Variants in CISD2 observed in about 807,000 individuals in gnomAD.
The protein encoded by CISD2 is CDGSH iron-sulfur domain-containing protein 2.
CISD2 carries 1 observed loss-of-function variant against 12.9 expected under a neutral mutation model. The ratio of observed to expected loss-of-function variants is 0.08; its 90% CI spans 0.03 to 0.37. CISD2 has a LOEUF of 0.37. Ranked by LOEUF, CISD2 falls within the 10% of genes least tolerant of loss-of-function variation. CISD2 has a pLI of 0.99. For missense variants in CISD2, 97 were observed against 163.1 expected (o/e 0.59, Z 2.21); for synonymous variants, 50 against 60.6 (o/e 0.83, Z 0.81).
intron 1 of CISD2, among the ~76,000 whole-genome samples, chr4:102,879,138 A>G (rs191157518): frequency 6.6e-6 from 1 of 152,250 alleles, no homozygotes; most frequent in Admixed American, 6.5e-5. Context: ...TGATGATTTA[A>G]TCACCAACCA....
intron 1 of CISD2, among the ~76,000 whole-genome samples, chr4:102,877,788 A>G (rs1209428344): frequency 1.3e-5 from 2 of 152,148 alleles, no homozygotes; most frequent in South Asian, 2.1e-4. Flanking sequence ...ACTTCTATGC[A>G]CCCACAGGCC....
chr4:102,889,343 G>GACTT lies in CISD2; in HGVS notation c.*1914_*1917dup, dbSNP rs1339494970. On this transcript the variant is annotated 3_prime_UTR_variant, in exon 3 of 3. Transcript: ENST00000273986. ...ATTATTTTTCCACAGTTGGTCACCA[G>GACTT]ACTTTGGAAAAAATCCACCTCACCA... is the stretch of plus-strand genomic sequence containing the variant. 2 of 136,980 alleles carry GACTT rather than the reference G, an allele frequency of 1.5e-5. No individual in the cohort carries two copies. The highest frequency in any genetic ancestry group is 5.5e-5 in the African/African-American group (2 of 36,630). 8.5% of individuals were successfully genotyped at this position (136,980 alleles called of 1,614,324 possible). A position where few individuals can be genotyped will look rare whatever the true frequency, so the allele number is the denominator to read the frequency against.
At chr4:102,879,655 C>G (rs560647461) in intron 1 of CISD2, among the ~76,000 whole-genome samples, 4 of 152,014 alleles carry the variant, frequency 2.6e-5, no homozygotes, top group Non-Finnish European at 5.9e-5. Context: ...ACCTGTAATC[C>G]TAGTGACTCA....
intron 1 of CISD2, among the ~76,000 whole-genome samples, chr4:102,876,917 G>T (rs1240363638): frequency 6.6e-6 from 1 of 152,114 alleles, no homozygotes; most frequent in African/African-American, 2.4e-5. Flanking sequence ...AGTGAGGAGT[G>T]AAAGGGCAAG....
At position 102,890,332 on chromosome 4, in the gene CISD2, T is replaced by C. The variant is rs1734175694; in HGVS notation, c.*2902T>C. 6.6e-6 allele frequency: 1 copy of C among 152,230 alleles called. No homozygotes were observed. The highest frequency in any genetic ancestry group is 1.5e-5 in the Non-Finnish European group (1 of 68,046). The allele number at this position is 152,230 out of a possible 1,614,324, so 9.4% of individuals were successfully genotyped here. ...TCATTGTGATTCCATAGTCTTCCAA[T>C]AGAAATGTGCTGTCAGAATCTGTAT... On this transcript the variant is annotated 3_prime_UTR_variant, in exon 3 of 3. Coordinates refer to ENST00000273986, the MANE Select transcript of CISD2 (RefSeq NM_001008388.5).
intron 1 of CISD2, among the ~76,000 whole-genome samples, chr4:102,872,215 T>C (rs1406091879): frequency 6.6e-6 from 1 of 152,066 alleles, no homozygotes; most frequent in Non-Finnish European, 1.5e-5. Flanking sequence ...ACTACAGGCA[T>C]GTGCCACCAT....
At position 102,889,067 on chromosome 4, in the gene CISD2, A is replaced by G. The variant is rs1734092595; in HGVS notation, c.*1637A>G. 6.6e-6 allele frequency: 1 copy of G among 152,234 alleles called. No individual in the cohort carries two copies. Among genetic ancestry groups the G allele is most frequent in the African/African-American group, 2.4e-5 (1 of 41,462 alleles). The allele number at this position is 152,234 out of a possible 1,614,324, so 9.4% of individuals were successfully genotyped here. ...ACTAAGCATGGTACTTGGGTTTTTA[A>G]TTTATTACATGTAATGTCAGTAGGT... On this transcript the variant is annotated 3_prime_UTR_variant, in exon 3 of 3. Coordinates refer to ENST00000273986, the MANE Select transcript of CISD2 (RefSeq NM_001008388.5).
intron 1 of CISD2, chr4:102,882,739 GTTTGT>G (rs555333226): frequency 3.3e-5 from 5 of 153,740 alleles, no homozygotes; most frequent in Non-Finnish European, 7.2e-5. Flanking sequence ...AGCCACATGT[GTTTGT>G]TTTGTTTTGT....
rs1040557197 is a variant in CISD2, at chr4:102,892,278, G to A, written c.*4848G>A. ...TCACTGTGTTACCCAGGCTGGTCTC[G>A]AAGTCCTGGACTCAAGTGATCCTCC... On this transcript the variant is annotated 3_prime_UTR_variant, in exon 3 of 3. Coordinates refer to ENST00000273986, the MANE Select transcript of CISD2 (RefSeq NM_001008388.5). 1 of 152,074 alleles carries A rather than the reference G, an allele frequency of 6.6e-6. No individual in the cohort carries two copies. Among genetic ancestry groups the A allele is most frequent in the African/African-American group, 2.4e-5 (1 of 41,386 alleles). The allele number at this position is 152,074 out of a possible 1,614,324, so 9.4% of individuals were successfully genotyped here.
At chr4:102,882,826 A>C (rs1371879438) in intron 1 of CISD2, 1 of 152,326 alleles carries the variant, frequency 6.6e-6, no homozygotes. Flanking sequence ...GGCTCACTGC[A>C]ACCCCTGCCT....
At chr4:102,873,749 A>T (rs1394203067) in intron 1 of CISD2, among the ~76,000 whole-genome samples, 2 of 136,218 alleles carry the variant, frequency 1.5e-5, no homozygotes, top group African/African-American at 2.9e-5. Flanking sequence ...AAAAAAAAAA[A>T]GGGATGTAAA....
In CISD2 at chr4:102,869,540, G is replaced by C. The variant is rs770023688; in HGVS notation, c.103+353G>C. 5.7e-6 allele frequency: 4 copies of C among 702,072 alleles called. No individual in the cohort carries two copies. The South Asian group carries it at 5.9e-5, about 10-fold the overall frequency. 43.5% of individuals were successfully genotyped at this position (702,072 alleles called of 1,614,324 possible). On this transcript the variant is annotated intron_variant, in intron 1 of 2. Coordinates refer to ENST00000273986, the MANE Select transcript of CISD2 (RefSeq NM_001008388.5). ...AGCGTACTTGTTTATTTTAAAGCGG[G>C]CTAAGTCGTCGTTATCTAAGGCCTC...
intron 1 of CISD2, among the ~76,000 whole-genome samples, chr4:102,872,325 C>T (rs766877280): frequency 3.9e-5 from 6 of 152,178 alleles, no homozygotes; most frequent in Non-Finnish European, 8.8e-5. Flanking sequence ...CTGCCTCGGC[C>T]GCCCAAAGTG....
intron 1 of CISD2, among the ~76,000 whole-genome samples, chr4:102,874,031 C>T (rs976053187): frequency 6.6e-6 from 1 of 150,856 alleles, no homozygotes; most frequent in African/African-American, 2.4e-5. Flanking sequence ...GAGGCCAAGG[C>T]AGGAGAATCG....
intron 1 of CISD2, chr4:102,884,932 C>A (rs913642973): frequency 1.9e-5 from 7 of 360,950 alleles, no homozygotes; most frequent in Non-Finnish European, 3.7e-5. Flanking sequence ...TAAAAATAGA[C>A]AAACACAAAT....
In CISD2 at chr4:102,889,701, G is replaced by A. The variant is rs1734140230; in HGVS notation, c.*2271G>A. The A allele has an allele frequency of 6.6e-6, 1 of 152,076 alleles. No individual in the cohort carries two copies. The allele number at this position is 152,076 out of a possible 1,614,324, so 9.4% of individuals were successfully genotyped here. A position where few individuals can be genotyped will look rare whatever the true frequency, so the allele number is the denominator to read the frequency against. ...TATGCCCATATCTTTTCCCACCTGT[G>A]CACATTTTTCAGAAGCGTAGGGTTG... On this transcript the variant is annotated 3_prime_UTR_variant, in exon 3 of 3. Transcript: ENST00000273986.
rs1459747546 is a variant in CISD2 at position 102,890,333 on chromosome 4, A to G, written c.*2903A>G. The G allele has an allele frequency of 2.6e-5, 4 of 152,262 alleles. No individual in the cohort carries two copies. Among genetic ancestry groups the G allele is most frequent in the Non-Finnish European group, 2.9e-5 (2 of 68,048 alleles). 9.4% of individuals were successfully genotyped at this position (152,262 alleles called of 1,614,324 possible). On this transcript the variant is annotated 3_prime_UTR_variant, in exon 3 of 3. Coordinates refer to ENST00000273986, the MANE Select transcript of CISD2 (RefSeq NM_001008388.5). The stretch of plus-strand genomic sequence containing the variant: ...CATTGTGATTCCATAGTCTTCCAAT[A>G]GAAATGTGCTGTCAGAATCTGTATA...
At chr4:102,881,136 T>C (rs1370240659) in intron 1 of CISD2, among the ~76,000 whole-genome samples, 1 of 152,182 alleles carries the variant, frequency 6.6e-6, no homozygotes. Flanking sequence ...TTTAAGTTTC[T>C]TGTTTGATTC....
At chr4:102,873,494 T>TGAGCTCCTG (rs1464917652) in intron 1 of CISD2, among the ~76,000 whole-genome samples, 1 of 152,068 alleles carries the variant, frequency 6.6e-6, no homozygotes, top group Non-Finnish European at 1.5e-5. Flanking sequence ...AGGCTGGTCT[T>TGAGCTCCTG]GAGCTCCTGA....
Sources: gnomAD v4.1 joint callset for allele counts (sites outside exome capture counted in the v4.1 genomes callset) on GRCh38, gnomAD v4.1.1 for gene constraint, MANE v1.5 for transcripts, NCBI Gene and HGNC (gene_info 2026-07-23, HGNC 2026-07-21) for gene names.